The following MECOM variants were observed in gnomAD, a reference collection of about 807,000 sequenced individuals.
The protein encoded by MECOM is histone-lysine N-methyltransferase MECOM.
A neutral mutation model predicts 116.3 loss-of-function variants in MECOM; 13 were observed. That is an observed-to-expected ratio of 0.11 (90% confidence interval 0.07 to 0.18). MECOM has a LOEUF of 0.18. Among genes scored for constraint, MECOM ranks in the 10% least tolerant of loss-of-function variants. The pLI, the probability that MECOM is intolerant of heterozygous loss-of-function variation, is 1.00. For synonymous variants in MECOM, 528 were observed against 535.2 expected, an observed-to-expected ratio of 0.99 and a Z score of 0.19; for missense variants, 1,299 against 1,509.0, an observed-to-expected ratio of 0.86 and a Z score of 2.31.
chr3:169,408,973 G>A (rs1020388043), intron 1 of MECOM, among the ~76,000 whole-genome samples: 22 of 152,108 alleles, frequency 1.4e-4, no homozygotes, highest in African/African-American at 5.1e-4. Flanking sequence ...TAAGAAATGT[G>A]GAGATGCCAC....
intron 1 of MECOM, among the ~76,000 whole-genome samples, chr3:169,579,374 A>G (rs1254249567): frequency 6.6e-6 from 1 of 152,210 alleles, no homozygotes; most frequent in African/African-American, 2.4e-5. Flanking sequence ...GCATTAATCT[A>G]GGAGGCGGAC....
chr3:169,129,656 A>C (rs1416416800), intron 4 of MECOM, among the ~76,000 whole-genome samples: 1 of 152,084 alleles, frequency 6.6e-6, no homozygotes, highest in South Asian at 2.1e-4. Context: ...AATACTATTC[A>C]TTTGTTTAAG....
intron 2 of MECOM, among the ~76,000 whole-genome samples, chr3:169,191,454 A>G (rs1747536025): frequency 1.3e-5 from 2 of 151,914 alleles, no homozygotes; most frequent in Non-Finnish European, 2.9e-5. Flanking sequence ...GGGAGAATAG[A>G]TCAGATAAGA....
chr3:169,322,924 G>C (rs1044431471), intron 2 of MECOM, among the ~76,000 whole-genome samples: 1 of 32,836 alleles, frequency 3.0e-5, no homozygotes, highest in African/African-American at 2.8e-4. Flanking sequence ...CTTGAACCCG[G>C]GGGGGGCAGA....
At chr3:169,448,564 A>G (rs1451024166) in intron 1 of MECOM, among the ~76,000 whole-genome samples, 1 of 152,194 alleles carries the variant, frequency 6.6e-6, no homozygotes, top group Non-Finnish European at 1.5e-5. Context: ...GTACTGGTAA[A>G]GCCACATTAT....
chr3:169,183,817 C>T (rs373711906), intron 2 of MECOM, among the ~76,000 whole-genome samples: 1,101 of 38,356 alleles, frequency 0.029, 15 homozygotes, highest in East Asian at 0.082. Context: ...CACACACACA[C>T]ACATATATAT....
At chr3:169,306,954 C>T (rs1240647712) in intron 2 of MECOM, among the ~76,000 whole-genome samples, 3 of 152,206 alleles carry the variant, frequency 2.0e-5, no homozygotes, top group Non-Finnish European at 2.9e-5. Context: ...CAACCCAGAC[C>T]ACTTCCTTAG....
chr3:169,456,658 C>T (rs1429386312), intron 1 of MECOM, among the ~76,000 whole-genome samples: 4 of 152,222 alleles, frequency 2.6e-5, no homozygotes, highest in East Asian at 1.9e-4. Flanking sequence ...GCCCACTCCA[C>T]GATTCAAATT....
rs116709971 is a variant in MECOM, at chr3:169,324,349, T to C, written c.375+56838A>G. Among the ~76,000 whole-genome samples, 353 of 152,268 alleles carry C rather than the reference T, an allele frequency of 2.3e-3. 2 individuals carry two copies. Among genetic ancestry groups the C allele is most frequent in the African/African-American group, 8.2e-3 (340 of 41,550 alleles). On this transcript the variant is annotated intron_variant, in intron 2 of 16. Coordinates refer to ENST00000651503, the MANE Select transcript of MECOM (RefSeq NM_004991.4). Reference sequence around the variant, plus strand: ...GTCAGAAGTATAGGGATAGTCAGAGTATGAGAACGGGAGATACACACTTCT... The same window carrying C: ...GTCAGAAGTATAGGGATAGTCAGAGCATGAGAACGGGAGATACACACTTCT...
At chr3:169,217,675 T>C (rs1468112846) in intron 2 of MECOM, among the ~76,000 whole-genome samples, 1 of 151,756 alleles carries the variant, frequency 6.6e-6, no homozygotes, top group African/African-American at 2.4e-5. Flanking sequence ...TCCCAGATAC[T>C]TGGGAGGCTG....
chr3:169,476,627 C>T (rs988293981), intron 1 of MECOM, among the ~76,000 whole-genome samples: 2 of 152,124 alleles, frequency 1.3e-5, no homozygotes, highest in Non-Finnish European at 2.9e-5. Context: ...CGTTAGTCAC[C>T]TAAGCATGCC....
At chr3:169,521,205 G>T (rs1482363730) in intron 1 of MECOM, among the ~76,000 whole-genome samples, 8 of 152,030 alleles carry the variant, frequency 5.3e-5, no homozygotes, top group Non-Finnish European at 1.2e-4. Flanking sequence ...GGGGCCAGAG[G>T]GTCAAAAACA....
At chr3:169,597,108 C>T (rs1013969701) in intron 1 of MECOM, among the ~76,000 whole-genome samples, 2 of 152,146 alleles carry the variant, frequency 1.3e-5, no homozygotes, top group African/African-American at 2.4e-5. Context: ...CCTAAAATCT[C>T]AATCTTATCA....
chr3:169,640,282 ATTT>A (rs1371834367), intron 1 of MECOM, among the ~76,000 whole-genome samples: 4 of 152,324 alleles, frequency 2.6e-5, no homozygotes, highest in Middle Eastern at 6.8e-3. Context: ...CAACCTTACC[ATTT>A]GTCAGCCCAC....
At chr3:169,113,603 T>C (rs1728156743) in intron 8 of MECOM, among the ~76,000 whole-genome samples, 1 of 151,852 alleles carries the variant, frequency 6.6e-6, no homozygotes. Flanking sequence ...CCCTTCTGCT[T>C]TAGAAATGTT....
chr3:169,355,622 C>T (rs925555450), intron 2 of MECOM, among the ~76,000 whole-genome samples: 2 of 151,882 alleles, frequency 1.3e-5, no homozygotes, highest in African/African-American at 4.8e-5. Context: ...GCATTATTAT[C>T]AGTAAAAGCA....
At chr3:169,296,376 A>G (rs540904749) in intron 2 of MECOM, among the ~76,000 whole-genome samples, 1 of 152,342 alleles carries the variant, frequency 6.6e-6, no homozygotes, top group South Asian at 2.1e-4. Flanking sequence ...TCTTGGCGGC[A>G]GGCTGGTGGA....
chr3:169,519,437 T>C (rs988651597), intron 1 of MECOM, among the ~76,000 whole-genome samples: 4 of 152,238 alleles, frequency 2.6e-5, no homozygotes, highest in African/African-American at 9.6e-5. Context: ...CAAAATTGTA[T>C]GTAAATGAAC....
chr3:169,183,349 C>G (rs1341851828), intron 2 of MECOM, among the ~76,000 whole-genome samples: 2 of 152,100 alleles, frequency 1.3e-5, no homozygotes, highest in East Asian at 1.9e-4. Context: ...GTCTCTCATC[C>G]CATTAATTCA....
Sources: allele counts gnomAD v4.1 joint callset (sites outside exome capture counted in the v4.1 genomes callset), GRCh38; gene constraint gnomAD v4.1.1; transcripts MANE v1.5; gene names NCBI Gene and HGNC (gene_info 2026-07-23, HGNC 2026-07-21).